The following RNF38 variants were observed in gnomAD, a reference collection of about 807,000 sequenced individuals.
The protein encoded by RNF38 is E3 ubiquitin-protein ligase RNF38.
In RNF38, 15 loss-of-function variants were observed where a neutral mutation model predicts 67.2. That is an observed-to-expected ratio of 0.22 (90% CI 0.15 to 0.34). The LOEUF (loss-of-function observed/expected upper bound fraction) is 0.34. Ranked by LOEUF, RNF38 falls within the 10% of genes least tolerant of loss-of-function variation. The probability of loss-of-function intolerance (pLI) is 1.00; values close to 1 mark genes in which losing one functional copy is unlikely to be tolerated. For synonymous variants in RNF38, 220 were observed against 218.8 expected (o/e 1.01, Z -0.05); for missense variants, 524 against 639.9 (o/e 0.82, Z 1.95).
chr9:36,380,964 T>C (rs972606987), intron 2 of RNF38, among the ~76,000 whole-genome samples: 1 of 152,162 alleles, frequency 6.6e-6, no homozygotes, highest in African/African-American at 2.4e-5. Context: ...AGTCAAAATT[T>C]CCAAAGTAGT....
At chr9:36,473,927 AGC>A (rs1328513022) in intron 1 of RNF38, among the ~76,000 whole-genome samples, 1 of 149,674 alleles carries the variant, frequency 6.7e-6, no homozygotes, top group Non-Finnish European at 1.5e-5. Context: ...CGGACGTTGC[AGC>A]GAGCTGAGAT....
At chr9:36,461,880 G>T (rs903948547) in intron 1 of RNF38, among the ~76,000 whole-genome samples, 1 of 152,132 alleles carries the variant, frequency 6.6e-6, no homozygotes, top group Non-Finnish European at 1.5e-5. Context: ...ATACAAATTT[G>T]GGGATTCTCA....
Position 36,336,606 on chromosome 9 carries a change from G to A in RNF38, c.*3146C>T, listed in dbSNP as rs1832458965. The A allele has an allele frequency of 1.3e-5, 2 of 152,532 alleles. No individual in the cohort carries two copies. Among genetic ancestry groups the A allele is most frequent in the South Asian group, 4.1e-4 (2 of 4,828 alleles). The allele number at this position is 152,532 out of a possible 1,614,324, so 9.4% of individuals were successfully genotyped here. On this transcript the variant is annotated 3_prime_UTR_variant, in exon 12 of 12. Transcript: ENST00000259605. ...ATAATACATACATTTAAAACTATAT[G>A]TTAACTGATACAATGGAATATGATT... is the stretch of plus-strand genomic sequence containing the variant.
chr9:36,354,616 A>G (rs7855873), intron 6 of RNF38, among the ~76,000 whole-genome samples: 82,367 of 151,998 alleles, frequency 0.54, 23,431 homozygotes, highest in Non-Finnish European at 0.65. Context: ...ACTCCTTTTT[A>G]TGAGTGAGTA....
intron 2 of RNF38, among the ~76,000 whole-genome samples, chr9:36,418,017 G>C (rs1030870626): frequency 7.9e-5 from 12 of 151,330 alleles, no homozygotes; most frequent in Admixed American, 4.6e-4. Flanking sequence ...ACTGAATAGA[G>C]TGCTGTGTTT....
At chr9:36,462,864 G>A (rs897131422) in intron 1 of RNF38, among the ~76,000 whole-genome samples, 5 of 151,952 alleles carry the variant, frequency 3.3e-5, no homozygotes, top group South Asian at 2.1e-4. Context: ...TAGTAGACAC[G>A]GAGTTTCACC....
intron 1 of RNF38, among the ~76,000 whole-genome samples, chr9:36,427,632 G>T (rs1357413480): frequency 6.6e-6 from 1 of 151,894 alleles, no homozygotes; most frequent in Admixed American, 6.6e-5. Context: ...ATGAATCTGG[G>T]TTCCTTGATC....
rs750685968 is a variant in RNF38, at chr9:36,339,639, T to C, written c.*113A>G. On this transcript the variant is annotated 3_prime_UTR_variant, in exon 12 of 12. Transcript: ENST00000259605. ...GTCACACAGTGCAAAGAAAGGTCCATTGACCCTTTTGGTAAAGGGAGGGCT... is the reference window on the plus strand; with the variant it reads ...GTCACACAGTGCAAAGAAAGGTCCACTGACCCTTTTGGTAAAGGGAGGGCT... 42 of 778,570 alleles carry C rather than the reference T, an allele frequency of 5.4e-5. No individual in the cohort carries two copies. Among genetic ancestry groups the C allele is most frequent in the East Asian group, 1.3e-4 (5 of 37,176 alleles). 48.2% of individuals were successfully genotyped at this position (778,570 alleles called of 1,614,324 possible).
intron 1 of RNF38, among the ~76,000 whole-genome samples, chr9:36,428,202 G>C (rs1197198716): frequency 6.6e-6 from 1 of 151,860 alleles, no homozygotes; most frequent in Non-Finnish European, 1.5e-5. Context: ...GGATCACAAG[G>C]TCAGGAGATG....
chr9:36,466,985 C>T (rs1249753301), intron 1 of RNF38, among the ~76,000 whole-genome samples: 3 of 148,120 alleles, frequency 2.0e-5, no homozygotes, highest in Admixed American at 6.8e-5. Flanking sequence ...TTGAGACCAG[C>T]CTGGTCAACA....
At position 36,417,558 on chromosome 9, in the gene RNF38, C is replaced by T. The variant is rs188392892; in HGVS notation, n.312+7055G>A. Among the ~76,000 whole-genome samples the T allele has an allele frequency of 2.0e-5, 3 of 152,238 alleles. No individual in the cohort carries two copies. The East Asian group carries it at 5.8e-4, about 29-fold the overall frequency. On this transcript the variant is annotated intron_variant and non_coding_transcript_variant, in intron 2 of 3. Transcript: ENST00000488058. ...ACAGAATCTCACTCTGTCACCCAGG[C>T]GGGAGTGCAGTGGTGCAATCTCGGT...
chr9:36,465,249 T>C lies in RNF38; in HGVS notation n.241+22059A>G, dbSNP rs963264607. Among the ~76,000 whole-genome samples the C allele has an allele frequency of 1.5e-4, 23 of 152,352 alleles. No homozygotes were observed. The East Asian group carries it at 4.2e-3, about 28-fold the overall frequency. ...AGAGTTCCATTTGACCCAGTAATTC[T>C]ACTCCTACATAGGGGTGGGTTCGTG... On this transcript the variant is annotated intron_variant and non_coding_transcript_variant, in intron 1 of 3. Transcript: ENST00000488058.
intron 1 of RNF38, 135 bp downstream of exon 1, chr9:36,399,962 A>C: frequency 2.5e-6 from 2 of 789,320 alleles, no homozygotes; most frequent in Non-Finnish European, 4.0e-6. Flanking sequence ...CCGCTTAAGA[A>C]AAAAGAAATG....
At chr9:36,405,782 AG>A (rs746685692), upstream of RNF38, among the ~76,000 whole-genome samples, 1 of 152,244 alleles carries the variant, frequency 6.6e-6, no homozygotes, top group Non-Finnish European at 1.5e-5. Context: ...ATCTGCTTCT[AG>A]AAAACCATTT....
At chr9:36,429,683 A>G (rs2134258591) in intron 1 of RNF38, among the ~76,000 whole-genome samples, 1 of 152,080 alleles carries the variant, frequency 6.6e-6, no homozygotes, top group Non-Finnish European at 1.5e-5. Context: ...AATCCCAGCT[A>G]CTCGGGAGGC....
At chr9:36,427,539 C>T (rs1283277116) in intron 1 of RNF38, among the ~76,000 whole-genome samples, 3 of 152,000 alleles carry the variant, frequency 2.0e-5, no homozygotes, top group Non-Finnish European at 4.4e-5. Context: ...AAATTCAATC[C>T]CAAAGAATCC....
chr9:36,352,975 T>G (rs1833813834), intron 7 of RNF38, 127 bp from the exon 8 acceptor site: 21 of 815,970 alleles, frequency 2.6e-5, no homozygotes, highest in South Asian at 2.3e-4. Context: ...TTAATATTCC[T>G]TAAATACTAA....
intron 2 of RNF38, among the ~76,000 whole-genome samples, chr9:36,388,807 G>A (rs1269263478): frequency 6.6e-6 from 1 of 152,168 alleles, no homozygotes; most frequent in African/African-American, 2.4e-5. Flanking sequence ...AGAATTGGGA[G>A]AGAAGGTACT....
At chr9:36,452,971 T>C (rs1839493355) in intron 1 of RNF38, among the ~76,000 whole-genome samples, 2 of 152,226 alleles carry the variant, frequency 1.3e-5, no homozygotes, top group Admixed American at 1.3e-4. Flanking sequence ...AACATTTGTA[T>C]ACAGCTTCTG....
Sources: gnomAD v4.1 joint callset for allele counts (sites outside exome capture counted in the v4.1 genomes callset) on GRCh38, gnomAD v4.1.1 for gene constraint, MANE v1.5 for transcripts, NCBI Gene and HGNC (gene_info 2026-07-23, HGNC 2026-07-21) for gene names.